Variants in NOTO observed in about 807,000 individuals in gnomAD.
The protein encoded by NOTO is homeobox protein notochord.
In NOTO, 19 loss-of-function variants were observed where a neutral mutation model predicts 20.5. That is an observed-to-expected ratio of 0.93 (90% CI 0.65 to 1.36). The LOEUF (loss-of-function observed/expected upper bound fraction) is 1.36, where lower values mean the gene tolerates loss of function less well. Among genes scored for constraint, NOTO ranks in the 40% most tolerant of loss-of-function variants. The pLI is 0.00. For synonymous variants in NOTO, 150 were observed against 150.2 expected, an observed-to-expected ratio of 1.00 and a Z score of 0.01; for missense variants, 369 against 336.2, an observed-to-expected ratio of 1.10 and a Z score of -0.76.
chr2:73,203,413 A>G (rs10175626), intron 1 of NOTO, among the ~76,000 whole-genome samples: 37,819 of 151,128 alleles, frequency 0.25, 5,686 homozygotes, highest in African/African-American at 0.43. Context: ...GGTAGCGCTT[A>G]GTGACAGAGA....
In NOTO at chr2:73,208,481, A is replaced by G; in HGVS notation, c.464A>G (p.Gln155Arg). 6.4e-7 allele frequency: 1 copy of G among 1,551,662 alleles called. No individual in the cohort carries two copies. Among genetic ancestry groups the G allele is most frequent in the Non-Finnish European group, 8.7e-7 (1 of 1,146,902 alleles). The change falls in exon 2 of 3, where the codon CAG (glutamine) becomes CGG (arginine). Residue 155 changes from glutamine (Q) to arginine (R), a missense_variant. Gln to Arg is a conservative substitution (Grantham distance 43). Coordinates refer to ENST00000398468, the MANE Select transcript of NOTO (RefSeq NM_001134462.2). ...GAGGACCTACAGGACACTGAGAGAC[A>G]GCAAAAGAGAGTCCGAACTATGTTT... ...PTEDLQDTERQQKRVRTMFNL... is the reference protein window; with the variant it reads ...PTEDLQDTERRQKRVRTMFNL...
Position 73,208,623 on chromosome 2 carries a change from A to G in NOTO, c.597+9A>G. 6.5e-7 allele frequency: 1 copy of G among 1,529,668 alleles called. No homozygotes were observed. The highest frequency in any genetic ancestry group is 1.2e-5 in the South Asian group (1 of 83,590). 94.8% of individuals were successfully genotyped at this position (1,529,668 alleles called of 1,614,324 possible). On this transcript the variant is annotated intron_variant, in intron 2 of 2. Transcript: ENST00000398468. The stretch of plus-strand genomic sequence containing the variant: ...AACTTACAGAGAACCAGGTGGGAGT[A>G]GGGACTCCTATTGGGCCTGGGCTGC...
At chr2:73,209,099 T>C (rs1686130542) in intron 2 of NOTO, among the ~76,000 whole-genome samples, 1 of 144,378 alleles carries the variant, frequency 6.9e-6, no homozygotes, top group South Asian at 2.2e-4. Flanking sequence ...CGCTTGAGCC[T>C]GGGAGGCAGA....
At chr2:73,206,940 G>T (rs942416857) in intron 1 of NOTO, among the ~76,000 whole-genome samples, 2 of 151,612 alleles carry the variant, frequency 1.3e-5, no homozygotes. Flanking sequence ...GATTACAGGT[G>T]CCCACCACCA....
intron 1 of NOTO, 64 bp from the exon 2 acceptor site, chr2:73,208,336 A>C: frequency 8.8e-7 from 1 of 1,135,540 alleles, no homozygotes; most frequent in Non-Finnish European, 1.3e-6. Context: ...ATGGGAGTGC[A>C]GGGGGCTTCT....
At chr2:73,209,296 T>C (rs1686135069) in intron 2 of NOTO, among the ~76,000 whole-genome samples, 1 of 152,170 alleles carries the variant, frequency 6.6e-6, no homozygotes, top group Non-Finnish European at 1.5e-5. Flanking sequence ...CTCTGCTCCT[T>C]TTACAGGCAA....
intron 2 of NOTO, 145 bp downstream of exon 2, chr2:73,208,759 C>A (rs1686126671): frequency 1.6e-6 from 1 of 612,408 alleles, no homozygotes; most frequent in Non-Finnish European, 2.9e-6. Context: ...ACTTTTTGCA[C>A]ACTCTATATA....
At chr2:73,203,704 C>A (rs1424486100) in intron 1 of NOTO, among the ~76,000 whole-genome samples, 2 of 152,230 alleles carry the variant, frequency 1.3e-5, no homozygotes, top group Non-Finnish European at 2.9e-5. Flanking sequence ...GTGGCTCACG[C>A]CTGTAATTTC....
At chr2:73,209,483 C>T (rs1045291207) in intron 2 of NOTO, among the ~76,000 whole-genome samples, 1 of 135,574 alleles carries the variant, frequency 7.4e-6, no homozygotes, top group Non-Finnish European at 1.6e-5. Context: ...CAGCTCAGTC[C>T]ACCACTCAGC....
rs570277516 is a variant in NOTO at position 73,206,676 on chromosome 2, G to A, written c.383-1724G>A. Among the ~76,000 whole-genome samples, 37 of 151,384 alleles carry A rather than the reference G, an allele frequency of 2.4e-4. No homozygotes were observed. In the South Asian group the frequency reaches 7.7e-3, roughly 32 times the overall value. ...AAATCCTGACATCTCTGGAAGTAGGGATTATTATCACCATTTTACATGTGA... is the reference window on the plus strand; with the variant it reads ...AAATCCTGACATCTCTGGAAGTAGGAATTATTATCACCATTTTACATGTGA... On this transcript the variant is annotated intron_variant, in intron 1 of 2. Coordinates refer to ENST00000398468, the MANE Select transcript of NOTO (RefSeq NM_001134462.2).
chr2:73,209,532 T>G (rs1253270783), intron 2 of NOTO, among the ~76,000 whole-genome samples: 4 of 152,176 alleles, frequency 2.6e-5, no homozygotes, highest in African/African-American at 9.7e-5. Flanking sequence ...CCATCCCTTA[T>G]TGAAACATGT....
In NOTO at chr2:73,203,066, C is replaced by T. The variant is rs1574334140; in HGVS notation, c.382+18C>T. 1 of 1,372,596 alleles carries T rather than the reference C, an allele frequency of 7.3e-7. No homozygotes were observed. The highest frequency in any genetic ancestry group is 9.4e-7 in the Non-Finnish European group (1 of 1,069,142). 85.0% of individuals were successfully genotyped at this position (1,372,596 alleles called of 1,614,324 possible). On this transcript the variant is annotated intron_variant, in intron 1 of 2. Transcript: ENST00000398468. ...CGTCACAGGTACTGCGGTCCCGGCG[C>T]CCGCACGCGGGGGACTGGGCGGGGG... is the stretch of plus-strand genomic sequence containing the variant.
intron 2 of NOTO, among the ~76,000 whole-genome samples, chr2:73,209,132 G>A (rs1278195689): frequency 7.1e-6 from 1 of 141,560 alleles, no homozygotes; most frequent in Non-Finnish European, 1.5e-5. Flanking sequence ...CGGAGATCAC[G>A]CCACTGCACT....
In NOTO at chr2:73,202,893, C is replaced by G. The variant is rs1277222610; in HGVS notation, c.227C>G (p.Pro76Arg). 7.2e-6 allele frequency: 11 copies of G among 1,528,856 alleles called. No individual in the cohort carries two copies. The Admixed American group carries it at 2.0e-4, about 28-fold the overall frequency. 94.7% of individuals were successfully genotyped at this position (1,528,856 alleles called of 1,614,324 possible). A position where few individuals can be genotyped will look rare whatever the true frequency, so the allele number is the denominator to read the frequency against. The change falls in exon 1 of 3, where the codon CCG becomes CGG. Residue 76 changes from proline to arginine, a missense_variant. By Grantham distance (103) the Pro-to-Arg change is moderately radical. Transcript: ENST00000398468. Reference protein sequence around the residue: ...SQPSGSACVHPAFWTAASLCA... With the variant: ...SQPSGSACVHRAFWTAASLCA... ...CCGTCGGGCTCCGCCTGCGTCCACC[C>G]GGCCTTCTGGACCGCTGCTTCCCTG...
At chr2:73,204,706 C>A (rs1686062488) in intron 1 of NOTO, among the ~76,000 whole-genome samples, 1 of 151,650 alleles carries the variant, frequency 6.6e-6, no homozygotes, top group African/African-American at 2.4e-5. Flanking sequence ...TTCTTTTGTT[C>A]TGTTTTGTTT....
At position 73,211,053 on chromosome 2, in the gene NOTO, C is replaced by T; in HGVS notation, c.*124C>T. ...AACCAGAAGAATCTGAGCTGTCAAG[C>T]AGGGACCCCCTTTTCTATACTGATT... On this transcript the variant is annotated 3_prime_UTR_variant, in exon 3 of 3. Coordinates refer to ENST00000398468, the MANE Select transcript of NOTO (RefSeq NM_001134462.2). 1 of 710,952 alleles carries T rather than the reference C, an allele frequency of 1.4e-6. No homozygotes were observed. The highest frequency in any genetic ancestry group is 2.1e-5 in the South Asian group (1 of 47,546). 44.0% of individuals were successfully genotyped at this position (710,952 alleles called of 1,614,324 possible). A position where few individuals can be genotyped will look rare whatever the true frequency, so the allele number is the denominator to read the frequency against.
intron 1 of NOTO, among the ~76,000 whole-genome samples, chr2:73,204,824 C>T (rs1163946975): frequency 6.6e-6 from 1 of 151,596 alleles, no homozygotes; most frequent in African/African-American, 2.4e-5. Flanking sequence ...CCTGCCTTAG[C>T]CTCTGGAGTG....
At chr2:73,206,072 A>G (rs1160958971) in intron 1 of NOTO, among the ~76,000 whole-genome samples, 1 of 151,956 alleles carries the variant, frequency 6.6e-6, no homozygotes, top group African/African-American at 2.4e-5. Context: ...GAACTTCCTC[A>G]CTGTGAAGTC....
At chr2:73,208,827 T>C (rs1686127882) in intron 2 of NOTO, among the ~76,000 whole-genome samples, 1 of 152,170 alleles carries the variant, frequency 6.6e-6, no homozygotes, top group Admixed American at 6.5e-5. Flanking sequence ...GAATGTTAAC[T>C]TAGATTATTA....
Sources: gnomAD v4.1 joint callset for allele counts (sites outside exome capture counted in the v4.1 genomes callset) on GRCh38, gnomAD v4.1.1 for gene constraint, MANE v1.5 for transcripts, NCBI Gene and HGNC (gene_info 2026-07-23, HGNC 2026-07-21) for gene names.